Variants in SYNE2 observed in about 807,000 individuals in gnomAD.
SYNE2 encodes the protein spectrin repeat containing nuclear envelope protein 2, also known as nesprin-2.
In SYNE2, 431 loss-of-function variants were observed where a neutral mutation model predicts 856.3. That is an observed-to-expected ratio of 0.50 (90% CI 0.47 to 0.55). SYNE2 has a LOEUF of 0.55. SYNE2 is among the 20% of genes least tolerant of loss of function. The pLI is 0.00. For missense variants in SYNE2, 8,129 were observed against 8,023.2 expected, an observed-to-expected ratio of 1.01 and a Z score of -0.50; for synonymous variants, 2,923 against 2,872.3, an observed-to-expected ratio of 1.02 and a Z score of -0.56.
chr14:64,224,658 G>T, intron 114 of SYNE2, 111 bp downstream of exon 114: 1 of 1,200,396 alleles, frequency 8.3e-7, no homozygotes, highest in Admixed American at 1.9e-5. Context: ...GACAGCACAG[G>T]TCTCTGCTGA....
intron 1 of SYNE2, among the ~76,000 whole-genome samples, chr14:63,893,197 T>C (rs1180191887): frequency 1.3e-5 from 2 of 150,948 alleles, no homozygotes; most frequent in African/African-American, 4.9e-5. Context: ...CTAAATTCTT[T>C]AAAAAAAAAG....
intron 27 of SYNE2, 97 bp downstream of exon 27, chr14:63,999,137 T>C: frequency 1.1e-5 from 13 of 1,172,606 alleles, no homozygotes; most frequent in Middle Eastern, 2.8e-4. Context: ...AGGTCACATA[T>C]GCTAAATGTT....
chr14:63,933,587 G>A (rs930497869), intron 2 of SYNE2, among the ~76,000 whole-genome samples: 4 of 152,048 alleles, frequency 2.6e-5, no homozygotes, highest in Admixed American at 2.6e-4. Context: ...TGATAATTAA[G>A]GATACTCATA....
At chr14:64,093,875 A>G (rs950786898) in intron 61 of SYNE2, among the ~76,000 whole-genome samples, 2 of 152,144 alleles carry the variant, frequency 1.3e-5, no homozygotes, top group Admixed American at 6.5e-5. Context: ...AAAGAACCTG[A>G]TATAACACAC....
At position 64,000,716 on chromosome 14, in the gene SYNE2, C is replaced by A; in HGVS notation, c.3635C>A (p.Thr1212Asn). Reference sequence around the variant, plus strand: ...AGAGAGCTTCAGATGACTCTTAATACCAGGTAAAATTCTGAGATCTATTAA... The same window carrying A: ...AGAGAGCTTCAGATGACTCTTAATAACAGGTAAAATTCTGAGATCTATTAA... ...RERELQMTLN[T>N]RMESLETALR... Residue 1212 changes from threonine (T) to asparagine (N), a missense_variant, in exon 28 of 116, where the codon ACC becomes AAC. This residue lies in a region of SYNE2 where 2,422 missense variants were observed against 2,357.4 expected (regional missense o/e 1.03). Coordinates refer to ENST00000555002, the MANE Select transcript of SYNE2 (RefSeq NM_182914.3). 6.2e-7 allele frequency: 1 copy of A among 1,611,006 alleles called. No individual in the cohort carries two copies. The highest frequency in any genetic ancestry group is 8.5e-7 in the Non-Finnish European group (1 of 1,178,788).
At chr14:64,131,654 T>C (rs2098022784) in intron 76 of SYNE2, among the ~76,000 whole-genome samples, 1 of 152,176 alleles carries the variant, frequency 6.6e-6, no homozygotes, top group Non-Finnish European at 1.5e-5. Flanking sequence ...TAATCATAGC[T>C]CATTGTAGCC....
At chr14:64,183,902 C>T (rs757301842) in intron 96 of SYNE2, among the ~76,000 whole-genome samples, 33 of 135,440 alleles carry the variant, frequency 2.4e-4, no homozygotes, top group Non-Finnish European at 4.0e-4. Flanking sequence ...AGAGGGAGAC[C>T]GTGGAAAGAA....
At chr14:64,069,120 C>A (rs562986604) in intron 51 of SYNE2, among the ~76,000 whole-genome samples, 6 of 152,290 alleles carry the variant, frequency 3.9e-5, no homozygotes, top group African/African-American at 1.2e-4. Context: ...CAAGTCAAAT[C>A]TGCCAGTTTC....
intron 66 of SYNE2, 45 bp downstream of exon 66, chr14:64,113,616 C>G: frequency 6.5e-7 from 1 of 1,547,686 alleles, no homozygotes; most frequent in South Asian, 1.2e-5. Context: ...CTCCACCAAT[C>G]ATCTGCCAAG....
At chr14:64,102,089 G>A (rs189025516) in intron 64 of SYNE2, 47 bp downstream of exon 64, 18 of 1,314,780 alleles carry the variant, frequency 1.4e-5, no homozygotes, top group South Asian at 9.5e-5. Context: ...GAGGGCCCAG[G>A]GGGGAGCAGG....
chr14:63,838,231 T>C (rs1211612900), intron 1 of SYNE2, among the ~76,000 whole-genome samples: 1 of 152,032 alleles, frequency 6.6e-6, no homozygotes, highest in African/African-American at 2.4e-5. Context: ...TAGCTGGGCA[T>C]GGTGGCATGC....
chr14:64,022,797 C>A lies in SYNE2; in HGVS notation c.5571C>A (p.Asn1857Lys). ...ACTGGTTCAGCAACATTAAAGTGAA[C>A]CTTAAGGAGTGTTTTGAATCATCAG... ...FNDWFSNIKV[N>K]LKECFESSET... The change falls in exon 38 of 116, where the codon AAC becomes AAA. Residue 1857 changes from asparagine (N) to lysine (K), a missense_variant. By Grantham distance (94) the Asn-to-Lys change is moderately conservative. Coordinates refer to ENST00000555002, the MANE Select transcript of SYNE2 (RefSeq NM_182914.3). The A allele has an allele frequency of 6.2e-7, 1 of 1,611,688 alleles. No homozygotes were observed. The highest frequency in any genetic ancestry group is 8.5e-7 in the Non-Finnish European group (1 of 1,178,414).
intron 2 of SYNE2, among the ~76,000 whole-genome samples, chr14:63,931,056 T>A (rs980282878): frequency 1.3e-5 from 2 of 152,104 alleles, no homozygotes; most frequent in Non-Finnish European, 2.9e-5. Flanking sequence ...CTCCAGGCAG[T>A]CATTGTCATC....
chr14:64,017,328 CAAAAAA>C (rs34399201), intron 33 of SYNE2, among the ~76,000 whole-genome samples: 4 of 66,598 alleles, frequency 6.0e-5, no homozygotes, highest in African/African-American at 1.8e-4. Context: ...GACTCCATCT[CAAAAAA>C]AAAAAAAAAA....
At position 64,190,142 on chromosome 14, in the gene SYNE2, C is replaced by T. The variant is rs897764086; in HGVS notation, c.17943C>T (p.Ile5981=). 1 of 1,614,060 alleles carries T rather than the reference C, an allele frequency of 6.2e-7. No individual in the cohort carries two copies. The highest frequency in any genetic ancestry group is 8.5e-7 in the Non-Finnish European group (1 of 1,180,004). The change falls in exon 99 of 116, where the codon ATC becomes ATT. Residue 5981 remains isoleucine (I), a synonymous_variant. Coordinates refer to ENST00000555002, the MANE Select transcript of SYNE2 (RefSeq NM_182914.3). ...LQLKQMGDQL[I]KASNKSRAAE... ...TAAAGCAGATGGGTGACCAGTTGAT[C>T]AAGGCCAGCAACAAATCAAGAGCAG...
At chr14:63,902,744 A>G (rs1396158063) in intron 1 of SYNE2, among the ~76,000 whole-genome samples, 1 of 151,034 alleles carries the variant, frequency 6.6e-6, no homozygotes, top group Non-Finnish European at 1.5e-5. Context: ...CCCAGGCTGG[A>G]GTGCAGCGGC....
At chr14:64,192,189 G>A (rs918252735) in intron 99 of SYNE2, among the ~76,000 whole-genome samples, 5 of 152,128 alleles carry the variant, frequency 3.3e-5, no homozygotes, top group Admixed American at 2.0e-4. Context: ...TAGCGCGTCA[G>A]ATGTTTGTTG....
intron 57 of SYNE2, among the ~76,000 whole-genome samples, chr14:64,083,464 C>T (rs1004295368): frequency 6.6e-6 from 1 of 151,122 alleles, no homozygotes; most frequent in African/African-American, 2.4e-5. Flanking sequence ...TTGCTACCTT[C>T]TACTGATACA....
chr14:64,076,803 CAAA>C (rs2097464153), intron 54 of SYNE2, among the ~76,000 whole-genome samples: 1 of 142,514 alleles, frequency 7.0e-6, no homozygotes, highest in East Asian at 2.1e-4. Context: ...ATCTTAAACA[CAAA>C]AAATTCAGAT....
Sources: allele counts gnomAD v4.1 joint callset (sites outside exome capture counted in the v4.1 genomes callset), GRCh38; gene constraint gnomAD v4.1.1; regional missense constraint gnomAD v4.1.1; transcripts MANE v1.5; gene names NCBI Gene and HGNC (gene_info 2026-07-23, HGNC 2026-07-21).